The following CHADL variants were observed in gnomAD, a reference collection of about 807,000 sequenced individuals.
The protein encoded by CHADL is chondroadherin like.
Under a neutral mutation model 52.1 loss-of-function variants are expected in CHADL, and 48 were observed. The ratio of observed to expected loss-of-function variants is 0.92; its 90% CI spans 0.73 to 1.17. The LOEUF is 1.17. Ranked by LOEUF, CHADL falls within the 50% of genes most tolerant of loss-of-function variation. The probability of loss-of-function intolerance (pLI) is 0.00; values close to 1 mark genes in which losing one functional copy is unlikely to be tolerated. For synonymous variants in CHADL, 498 were observed against 511.2 expected (o/e 0.97, Z 0.35); for missense variants, 977 against 1,035.1 (o/e 0.94, Z 0.77).
Position 41,238,282 on chromosome 22 carries a change from C to T in CHADL, c.790G>A (p.Gly264Arg), listed in dbSNP as rs549018436. 2 of 1,529,716 alleles carry T rather than the reference C, an allele frequency of 1.3e-6. No individual in the cohort carries two copies. Among genetic ancestry groups the T allele is most frequent in the Non-Finnish European group, 1.7e-6 (2 of 1,144,436 alleles). 94.8% of individuals were successfully genotyped at this position (1,529,716 alleles called of 1,614,324 possible). A position where few individuals can be genotyped will look rare whatever the true frequency, so the allele number is the denominator to read the frequency against. The change falls in exon 3 of 6, where the codon GGG becomes AGG. Residue 264 changes from glycine to arginine, a missense_variant. Gly to Arg is a moderately radical substitution (Grantham distance 125). Transcript: ENST00000216241. The surrounding 1 kb of genome is among the most constrained non-coding windows in gnomAD (Gnocchi z 4.9). ...PGLRELLLDG[G>R]ALQALGPRAF... The stretch of plus-strand genomic sequence containing the variant: ...CTGGGACCCAGGGCCTGCAGGGCCC[C>T]GCCGTCCAGCAGCAGCTCCCGCAGG...
At chr22:41,230,556 G>A (rs890638305) in intron 5 of CHADL, 2 of 397,640 alleles carry the variant, frequency 5.0e-6, no homozygotes, top group African/African-American at 2.1e-5. Flanking sequence ...TCTTCCTTAA[G>A]ATGGCCTCCC....
intron 1 of CHADL, among the ~76,000 whole-genome samples, chr22:41,240,079 T>G (rs977822581): frequency 4.6e-5 from 7 of 152,042 alleles, no homozygotes; most frequent in Non-Finnish European, 7.4e-5. Context: ...TTGAGTCTTT[T>G]TTTGTTTGTT....
At chr22:41,230,076 T>TCCCCCCCCCCC in intron 5 of CHADL, 1 of 912,386 alleles carries the variant, frequency 1.1e-6, no homozygotes, top group Non-Finnish European at 1.7e-6. Context: ...TCCCAGCTCC[T>TCCCCCCCCCCC]CCGCCCCCAC....
At chr22:41,231,656 A>T (rs1242343354) in intron 5 of CHADL, among the ~76,000 whole-genome samples, 1 of 152,234 alleles carries the variant, frequency 6.6e-6, no homozygotes, top group Non-Finnish European at 1.5e-5. Context: ...TGCTCAATCC[A>T]TGCAGTAACC....
chr22:41,236,344 A>G, intron 4 of CHADL, 140 bp downstream of exon 4: 1 of 699,358 alleles, frequency 1.4e-6, no homozygotes, highest in Non-Finnish European at 2.4e-6. Context: ...GGGCTTATAC[A>G]TGCCTGGCTC....
rs1357171967 is a variant in CHADL, at chr22:41,238,237, G to A, written c.835C>T (p.Arg279Cys). 10 of 1,530,172 alleles carry A rather than the reference G, an allele frequency of 6.5e-6. No individual in the cohort carries two copies. The highest frequency in any genetic ancestry group is 2.0e-5 in the Admixed American group (1 of 50,816). 94.8% of individuals were successfully genotyped at this position (1,530,172 alleles called of 1,614,324 possible). A position where few individuals can be genotyped will look rare whatever the true frequency, so the allele number is the denominator to read the frequency against. The change falls in exon 3 of 6, where the codon CGC becomes TGC. Residue 279 changes from arginine to cysteine, a missense_variant. Arg to Cys is a radical substitution (Grantham distance 180). Coordinates refer to ENST00000216241, the MANE Select transcript of CHADL (RefSeq NM_138481.2). This position sits in a 1 kb window ranked among gnomAD's most constrained non-coding sequence, Gnocchi z 4.9. ...CCGCGGAGGTCGAGGGTGTGCAGGC[G>A]CGGACAGTGTGCGAAGGCCCTGGGA... is the stretch of plus-strand genomic sequence containing the variant. ...LGPRAFAHCP[R>C]LHTLDLRGNQ...
chr22:41,238,334 G>T lies in CHADL; in HGVS notation c.738C>A (p.Gly246=). The change falls in exon 3 of 6, where the codon GGC becomes GGA. Residue 246 remains glycine, a synonymous_variant. Transcript: ENST00000216241. This position sits in a 1 kb window ranked among gnomAD's most constrained non-coding sequence, Gnocchi z 4.9. ...ELGHNPLTYA[G]EEDGLALPGL... The stretch of plus-strand genomic sequence containing the variant: ...CGGGCAGCGCCAGCCCGTCCTCCTC[G>T]CCCGCGTAGGTGAGCGGGTTGTGGC... The T allele has an allele frequency of 1.3e-6, 2 of 1,515,906 alleles. No individual in the cohort carries two copies. The highest frequency in any genetic ancestry group is 1.8e-6 in the Non-Finnish European group (2 of 1,138,762). 93.9% of individuals were successfully genotyped at this position (1,515,906 alleles called of 1,614,324 possible).
At chr22:41,232,907 A>G (rs2032654880) in intron 5 of CHADL, among the ~76,000 whole-genome samples, 1 of 152,084 alleles carries the variant, frequency 6.6e-6, no homozygotes, top group South Asian at 2.1e-4. Flanking sequence ...TGCTCTCATC[A>G]ACGATAGTTC....
At chr22:41,234,114 C>T (rs935251405) in intron 5 of CHADL, among the ~76,000 whole-genome samples, 2 of 152,156 alleles carry the variant, frequency 1.3e-5, no homozygotes, top group African/African-American at 4.8e-5. Context: ...TGCACTTCCA[C>T]TCTCCCCATC....
At position 41,237,961 on chromosome 22, in the gene CHADL, G is replaced by C. The variant is rs922273080; in HGVS notation, c.1111C>G (p.Arg371Gly). Residue 371 changes from arginine (R) to glycine (G), a missense_variant, in exon 3 of 6, where the codon CGG becomes GGG. Arg to Gly is a moderately radical substitution (Grantham distance 125). Transcript: ENST00000216241. ...AAQEEEELEE[R>G]AVAGPRAPPR... ...GGGGCGCGGGGCCCGGCCACAGCCC[G>C]CTCTTCCAGCTCTTCCTCTTCCTGC... is the stretch of plus-strand genomic sequence containing the variant. 2 of 1,259,884 alleles carry C rather than the reference G, an allele frequency of 1.6e-6. No individual in the cohort carries two copies. The highest frequency in any genetic ancestry group is 2.0e-6 in the Non-Finnish European group (2 of 1,007,426). 78.0% of individuals were successfully genotyped at this position (1,259,884 alleles called of 1,614,324 possible).
chr22:41,238,484 C>A lies in CHADL; in HGVS notation c.588G>T (p.Val196=), dbSNP rs1363749512. 9 of 1,535,224 alleles carry A rather than the reference C, an allele frequency of 5.9e-6. No individual in the cohort carries two copies. The Admixed American group carries it at 1.8e-4, about 30-fold the overall frequency. Residue 196 remains valine (V), a synonymous_variant, in exon 3 of 6, where the codon GTG becomes GTT. Coordinates refer to ENST00000216241, the MANE Select transcript of CHADL (RefSeq NM_138481.2). The surrounding 1 kb of genome is among the most constrained non-coding windows in gnomAD (Gnocchi z 4.9). ...WLRLSHNALS[V]LAPEALAGLP... ...GGCCAGCCAGGGCCTCGGGGGCCAG[C>A]ACGCTGAGCGCGTTGTGCGACAGCC...
At chr22:41,236,434 T>G in intron 4 of CHADL, 50 bp downstream of exon 4, 1 of 1,501,938 alleles carries the variant, frequency 6.7e-7, no homozygotes, top group Non-Finnish European at 9.1e-7. Flanking sequence ...GGGGCTTGAC[T>G]GAGAGTGGCT....
At chr22:41,240,443 G>C (rs575916476) in intron 1 of CHADL, among the ~76,000 whole-genome samples, 3 of 152,304 alleles carry the variant, frequency 2.0e-5, no homozygotes, top group South Asian at 2.1e-4. Context: ...TCGCTGGGCT[G>C]TTCCCCGGCC....
chr22:41,235,354 AAG>A lies in CHADL; in HGVS notation c.2064-13_2064-12del, dbSNP rs767827420. ...AGCCCAGTAAGCCACCTGAAGAGAAAAGAGAGCTGGGGAGCTAGCTGTGCTGA... is the reference window on the plus strand; with the variant it reads ...AGCCCAGTAAGCCACCTGAAGAGAAAAGAGCTGGGGAGCTAGCTGTGCTGA... On this transcript the variant is annotated splice_polypyrimidine_tract_variant and intron_variant, in intron 4 of 5. Transcript: ENST00000216241. 39 of 1,549,140 alleles carry A rather than the reference AAG, an allele frequency of 2.5e-5. No homozygotes were observed. Among genetic ancestry groups the A allele is most frequent in the Non-Finnish European group, 3.2e-5 (37 of 1,146,304 alleles).
Position 41,238,503 on chromosome 22 carries a change from G to C in CHADL, c.569C>G (p.Ser190Trp). The C allele has an allele frequency of 6.5e-7, 1 of 1,540,308 alleles. No homozygotes were observed. Among genetic ancestry groups the C allele is most frequent in the Non-Finnish European group, 8.7e-7 (1 of 1,144,444 alleles). ...GLLRVRWLRL[S>W]HNALSVLAPE... ...GGCCAGCACGCTGAGCGCGTTGTGCGACAGCCGCAGCCAGCGGACGCGCAG... is the reference window on the plus strand; with the variant it reads ...GGCCAGCACGCTGAGCGCGTTGTGCCACAGCCGCAGCCAGCGGACGCGCAG... Residue 190 changes from serine (S) to tryptophan (W), a missense_variant, in exon 3 of 6, where the codon TCG (serine) becomes TGG (tryptophan). Ser to Trp is a radical substitution (Grantham distance 177). Coordinates refer to ENST00000216241, the MANE Select transcript of CHADL (RefSeq NM_138481.2). This position sits in a 1 kb window ranked among gnomAD's most constrained non-coding sequence, Gnocchi z 4.9.
chr22:41,238,694 G>A lies in CHADL; in HGVS notation c.378C>T (p.Pro126=), dbSNP rs2032803725. 2 of 1,546,502 alleles carry A rather than the reference G, an allele frequency of 1.3e-6. No individual in the cohort carries two copies. Among genetic ancestry groups the A allele is most frequent in the South Asian group, 1.2e-5 (1 of 83,966 alleles). ...AGCCCAGCCCGTCCAGCGCCTCCTG[G>A]GGCAGCTCACGCAGGTGGTTGGAGG... ...NLASNHLREL[P]QEALDGLGSL... Residue 126 remains proline, a synonymous_variant, in exon 3 of 6, where the codon CCC becomes CCT. Transcript: ENST00000216241. The surrounding 1 kb of genome is among the most constrained non-coding windows in gnomAD (Gnocchi z 4.9).
chr22:41,236,636 G>A lies in CHADL; in HGVS notation c.1911C>T (p.Ala637=). ...GGAGCCCGGGCCCCAGGCCTGAAAA[G>A]GCCCCAGGACAAATCTGCAAGGAGT... is the stretch of plus-strand genomic sequence containing the variant. ...SSGLEQICPG[A]FSGLGPGLQS... Residue 637 remains alanine, a synonymous_variant, in exon 4 of 6, where the codon GCC becomes GCT. Transcript: ENST00000216241. 6.5e-7 allele frequency: 1 copy of A among 1,549,290 alleles called. No homozygotes were observed. Among genetic ancestry groups the A allele is most frequent in the Non-Finnish European group, 8.7e-7 (1 of 1,146,916 alleles).
rs1279917067 is a variant in CHADL at position 41,237,412 on chromosome 22, C to T, written c.1660G>A (p.Gly554Arg). 1 of 1,550,608 alleles carries T rather than the reference C, an allele frequency of 6.4e-7. No individual in the cohort carries two copies. Among genetic ancestry groups the T allele is most frequent in the Non-Finnish European group, 8.7e-7 (1 of 1,146,966 alleles). The stretch of plus-strand genomic sequence containing the variant: ...AGGGACACTTCGGTGATGCGGTTTC[C>T]ACTCAGGTAGACCCAGCGCAAGGCC... ...TRALRWVYLSGNRITEVSLGA... is the reference protein window; with the variant it reads ...TRALRWVYLSRNRITEVSLGA... Residue 554 changes from glycine to arginine, a missense_variant, in exon 3 of 6, where the codon GGA (glycine) becomes AGA (arginine). Coordinates refer to ENST00000216241, the MANE Select transcript of CHADL (RefSeq NM_138481.2).
At position 41,238,957 on chromosome 22, in the gene CHADL, C is replaced by G; in HGVS notation, c.187-72G>C. 6.9e-7 allele frequency: 1 copy of G among 1,453,858 alleles called. No individual in the cohort carries two copies. The highest frequency in any genetic ancestry group is 1.4e-5 in the African/African-American group (1 of 70,652). 90.1% of individuals were successfully genotyped at this position (1,453,858 alleles called of 1,614,324 possible). On this transcript the variant is annotated intron_variant, in intron 2 of 5. Coordinates refer to ENST00000216241, the MANE Select transcript of CHADL (RefSeq NM_138481.2). The surrounding 1 kb of genome is among the most constrained non-coding windows in gnomAD (Gnocchi z 4.9). ...GCCTTTGCAAGTGCTGCTTCTTCCC[C>G]GGAACACTCTTTTCTCCTGTCACCT...
Sources: gnomAD v4.1 joint callset for allele counts (sites outside exome capture counted in the v4.1 genomes callset) on GRCh38, gnomAD v4.1.1 for gene constraint, Gnocchi (gnomAD v3.1) non-coding constraint, MANE v1.5 for transcripts, NCBI Gene and HGNC (gene_info 2026-07-23, HGNC 2026-07-21) for gene names.